The following PRPF8 variants were observed in gnomAD, a reference collection of about 807,000 sequenced individuals.
PRPF8 encodes the protein pre-mRNA processing factor 8.
PRPF8 carries 64 observed loss-of-function variants against 285.9 expected under a neutral mutation model. That is an observed-to-expected ratio of 0.22 (90% confidence interval 0.18 to 0.28). PRPF8 has a LOEUF of 0.28. Ranked by LOEUF, PRPF8 falls within the 10% of genes least tolerant of loss-of-function variation. The pLI is 1.00. For missense variants in PRPF8, 1,426 were observed against 3,026.7 expected (o/e 0.47, Z 12.41); for synonymous variants, 1,325 against 1,118.2 (o/e 1.18, Z -3.69).
Position 1,651,803 on chromosome 17 carries a change from G to A in PRPF8, c.6370-15C>T, listed in dbSNP as rs764446336. On this transcript the variant is annotated splice_polypyrimidine_tract_variant and intron_variant, in intron 39 of 42. Transcript: ENST00000304992. The surrounding 1 kb of genome is among the most constrained non-coding windows in gnomAD (Gnocchi z 5.1). ...TATCCTGCAATCTGGAGACAAAGGG[G>A]TCAGGAACCAAAACTCTTCTTAGTA... The A allele has an allele frequency of 1.7e-5, 28 of 1,613,718 alleles. No homozygotes were observed. In the Admixed American group the frequency reaches 3.8e-4, roughly 22 times the overall value.
chr17:1,678,510 G>C lies in PRPF8; in HGVS notation c.1854+8C>G. ...AAAAAAAGAAAGTCAGTAAAGTCAA[G>C]GTCTCACCGTGTTGAAACGATAATA... On this transcript the variant is annotated splice_region_variant and intron_variant, in intron 13 of 42. Transcript: ENST00000304992. The C allele has an allele frequency of 6.2e-7, 1 of 1,614,118 alleles. No individual in the cohort carries two copies. The highest frequency in any genetic ancestry group is 8.5e-7 in the Non-Finnish European group (1 of 1,180,010).
At position 1,658,861 on chromosome 17, in the gene PRPF8, C is replaced by T; in HGVS notation, c.5139-98G>A. ...CTACAGAGGAAGAAAGACTGTTCGCCAGGCTGACAACACTCTGCTCATGTG... is the reference window on the plus strand; with the variant it reads ...CTACAGAGGAAGAAAGACTGTTCGCTAGGCTGACAACACTCTGCTCATGTG... On this transcript the variant is annotated intron_variant, in intron 32 of 42. Transcript: ENST00000304992. The surrounding 1 kb of genome is among the most constrained non-coding windows in gnomAD (Gnocchi z 4.1). 1.9e-6 allele frequency: 2 copies of T among 1,069,416 alleles called. No individual in the cohort carries two copies. The highest frequency in any genetic ancestry group is 2.9e-6 in the Non-Finnish European group (2 of 693,680). 66.2% of individuals were successfully genotyped at this position (1,069,416 alleles called of 1,614,324 possible). A position where few individuals can be genotyped will look rare whatever the true frequency, so the allele number is the denominator to read the frequency against.
intron 2 of PRPF8, among the ~76,000 whole-genome samples, chr17:1,683,956 G>A (rs1480002300): frequency 6.7e-6 from 1 of 150,220 alleles, no homozygotes; most frequent in Admixed American, 6.7e-5. Context: ...GTGCGATGTC[G>A]GCTCACTGCA....
Position 1,675,994 on chromosome 17 carries a change from G to A in PRPF8, c.2613C>T (p.Tyr871=), listed in dbSNP as rs764282969. The change falls in exon 18 of 43, where the codon TAC becomes TAT. Residue 871 remains tyrosine (Y), a synonymous_variant. Coordinates refer to ENST00000304992, the MANE Select transcript of PRPF8 (RefSeq NM_006445.4). This position sits in a 1 kb window ranked among gnomAD's most constrained non-coding sequence, Gnocchi z 6.0. ...REELGLIEQA[Y]DNPHEALSRI... ...GGGACAGCGCCTCGTGGGGGTTATC[G>A]TAGGCCTGCTCGATCAGACCTAGCT... The A allele has an allele frequency of 4.2e-5, 68 of 1,613,878 alleles. 1 individual carries two copies. The Admixed American group carries it at 1.1e-3, about 26-fold the overall frequency.
chr17:1,664,766 C>A (rs895763738), intron 24 of PRPF8, among the ~76,000 whole-genome samples: 3 of 152,010 alleles, frequency 2.0e-5, no homozygotes, highest in Non-Finnish European at 4.4e-5. Flanking sequence ...AATATGTAAA[C>A]AGCATAATTT....
intron 24 of PRPF8, among the ~76,000 whole-genome samples, chr17:1,663,490 C>A (rs114980482): frequency 0.014 from 2,035 of 150,454 alleles, 44 homozygotes; most frequent in African/African-American, 0.047. Context: ...AGGCGGGCCT[C>A]GGGGTCAGGA....
At chr17:1,664,395 C>T (rs9904900) in intron 24 of PRPF8, among the ~76,000 whole-genome samples, 30,148 of 152,138 alleles carry the variant, frequency 0.2, 6,483 homozygotes, top group African/African-American at 0.54. Flanking sequence ...ATGTAACCAA[C>T]TGACTGGACC....
chr17:1,662,317 G>A (rs551215000), intron 24 of PRPF8, among the ~76,000 whole-genome samples, 164 bp from the exon 25 acceptor site: 5 of 152,312 alleles, frequency 3.3e-5, no homozygotes, highest in Admixed American at 1.3e-4. Context: ...GGCTGGGCGC[G>A]ATGGCTCATG....
At chr17:1,682,059 C>T (rs1347468148) in intron 4 of PRPF8, 21 bp from the exon 5 acceptor site, 1 of 1,613,820 alleles carries the variant, frequency 6.2e-7, no homozygotes, top group Non-Finnish European at 8.5e-7. Flanking sequence ...AGACATCACA[C>T]AACCATTTCT....
At chr17:1,654,745 C>T (rs547243334) in intron 37 of PRPF8, 13 of 164,062 alleles carry the variant, frequency 7.9e-5, no homozygotes, top group African/African-American at 2.6e-4. Flanking sequence ...AAGCCTCCTG[C>T]CTCAGCCTCC....
intron 24 of PRPF8, among the ~76,000 whole-genome samples, chr17:1,671,204 G>A (rs62089968): frequency 0.025 from 3,797 of 152,230 alleles, 68 homozygotes; most frequent in Middle Eastern, 0.041. Context: ...CTTCTTTCAG[G>A]AATCCTTTCC....
At chr17:1,655,627 ATT>A in intron 36 of PRPF8, 84 bp from the exon 37 acceptor site, 47 of 1,041,580 alleles carry the variant, frequency 4.5e-5, no homozygotes, top group Non-Finnish European at 5.8e-5. Context: ...AAACCCAAGA[ATT>A]TTTTTTTTTT....
At chr17:1,680,256 T>C (rs1405483458) in intron 8 of PRPF8, among the ~76,000 whole-genome samples, 1 of 152,200 alleles carries the variant, frequency 6.6e-6, no homozygotes, top group African/African-American at 2.4e-5. Flanking sequence ...GAAAGTAGAT[T>C]AGTGGTTGCG....
At chr17:1,654,225 G>GCTGT in intron 37 of PRPF8, 1 of 700,280 alleles carries the variant, frequency 1.4e-6, no homozygotes, top group Non-Finnish European at 2.5e-6. Flanking sequence ...CACTGCGTGT[G>GCTGT]CACCTTCCCA....
chr17:1,663,485 G>A (rs1000351666), intron 24 of PRPF8, among the ~76,000 whole-genome samples: 2 of 151,492 alleles, frequency 1.3e-5, no homozygotes, highest in African/African-American at 2.4e-5. Flanking sequence ...GGCTGAGGCG[G>A]GCCTCGGGGT....
intron 29 of PRPF8, 32 bp downstream of exon 29, chr17:1,660,666 A>G: frequency 6.2e-7 from 1 of 1,614,218 alleles, no homozygotes; most frequent in Non-Finnish European, 8.5e-7. Flanking sequence ...AACTGTCTTT[A>G]GCTTCCCCTC....
In PRPF8 at chr17:1,673,222, A is replaced by G. The variant is rs1912422404; in HGVS notation, c.3658-25T>C. On this transcript the variant is annotated intron_variant, in intron 23 of 42. Transcript: ENST00000304992. The surrounding 1 kb of genome is among the most constrained non-coding windows in gnomAD (Gnocchi z 5.5). ...CCTAAACCACAAAGTCAAGGTTAAC[A>G]TGTCCGAGGAACTCCCACAGAAGCA... 3 of 1,612,440 alleles carry G rather than the reference A, an allele frequency of 1.9e-6. No individual in the cohort carries two copies. Among genetic ancestry groups the G allele is most frequent in the African/African-American group, 1.3e-5 (1 of 74,906 alleles).
At chr17:1,652,338 A>C (rs922218112) in intron 39 of PRPF8, among the ~76,000 whole-genome samples, 2 of 152,106 alleles carry the variant, frequency 1.3e-5, no homozygotes, top group African/African-American at 2.4e-5. Context: ...TCCTGGGTTC[A>C]AGCAATTCTC....
At position 1,659,139 on chromosome 17, in the gene PRPF8, C is replaced by A. The variant is rs2151115017; in HGVS notation, c.5138+218G>T. The A allele has an allele frequency of 1.5e-6, 1 of 667,924 alleles. No individual in the cohort carries two copies. 41.4% of individuals were successfully genotyped at this position (667,924 alleles called of 1,614,324 possible). On this transcript the variant is annotated intron_variant, in intron 32 of 42. Transcript: ENST00000304992. The surrounding 1 kb of genome is among the most constrained non-coding windows in gnomAD (Gnocchi z 5.1). ...CTCCCGGGTTCAAGTAATTCTCCCA[C>A]CTCAACCTTCTGAGTAGCTGGGACT...
Sources: gnomAD v4.1 joint callset for allele counts (sites outside exome capture counted in the v4.1 genomes callset) on GRCh38, gnomAD v4.1.1 for gene constraint, Gnocchi (gnomAD v3.1) non-coding constraint, MANE v1.5 for transcripts, NCBI Gene and HGNC (gene_info 2026-07-23, HGNC 2026-07-21) for gene names.